NPLOC4: variants seen among roughly 807,000 people sequenced by gnomAD.
NPLOC4 encodes NPL4 homolog, ubiquitin recognition factor, also known as nuclear protein localization protein 4 homolog.
NPLOC4 carries 18 observed loss-of-function variants against 80.6 expected under a neutral mutation model. The ratio of observed to expected loss-of-function variants is 0.22; its 90% confidence interval spans 0.15 to 0.33. The LOEUF (loss-of-function observed/expected upper bound fraction) is 0.33, where lower values mean the gene tolerates loss of function less well. Ranked by LOEUF, NPLOC4 falls within the 10% of genes least tolerant of loss-of-function variation. The pLI is 1.00. For synonymous variants in NPLOC4, 313 were observed against 301.5 expected, an observed-to-expected ratio of 1.04 and a Z score of -0.39; for missense variants, 540 against 786.1, an observed-to-expected ratio of 0.69 and a Z score of 3.74.
At chr17:81,560,822 A>T (rs760190145) in intron 16 of NPLOC4, 1 of 152,140 alleles carries the variant, frequency 6.6e-6, no homozygotes, top group Non-Finnish European at 1.5e-5. Flanking sequence ...TTTGCCTCCC[A>T]CTCGCAAGGT....
chr17:81,558,612 G>C lies in NPLOC4; in HGVS notation c.*647C>G, dbSNP rs1255078891. 1.3e-5 allele frequency: 2 copies of C among 152,142 alleles called. No individual in the cohort carries two copies. The highest frequency in any genetic ancestry group is 2.9e-5 in the Non-Finnish European group (2 of 68,024). 9.4% of individuals were successfully genotyped at this position (152,142 alleles called of 1,614,324 possible). ...AAAAAAATAAATAAAAGTCTTCTGG[G>C]CAGGAATTACTGATAACTGTTATTA... is the stretch of plus-strand genomic sequence containing the variant. On this transcript the variant is annotated 3_prime_UTR_variant, in exon 17 of 17. Transcript: ENST00000331134.
intron 4 of NPLOC4, among the ~76,000 whole-genome samples, chr17:81,612,366 C>T (rs1430112147): frequency 6.6e-6 from 1 of 152,138 alleles, no homozygotes; most frequent in East Asian, 1.9e-4. Flanking sequence ...CACACACACG[C>T]TCTCAAAAGC....
chr17:81,583,474 G>A (rs1442932671), intron 12 of NPLOC4, among the ~76,000 whole-genome samples: 2 of 152,162 alleles, frequency 1.3e-5, no homozygotes, highest in East Asian at 3.9e-4. Context: ...TTCTGCAGGG[G>A]ACAAATGTTC....
rs560192245 is a variant in NPLOC4, at chr17:81,587,072, T to C, written c.1281+1872A>G. Among the ~76,000 whole-genome samples the C allele has an allele frequency of 4.2e-4, 64 of 152,258 alleles. 3 individuals carry two copies. In the South Asian group the frequency reaches 0.013, roughly 31 times the overall value. On this transcript the variant is annotated intron_variant, in intron 12 of 16. Transcript: ENST00000331134. Reference sequence around the variant, plus strand: ...AGACAGACGGTCCACGGAAAACACATTGCAGCTGCAGACCCACATATGCTA... The same window carrying C: ...AGACAGACGGTCCACGGAAAACACACTGCAGCTGCAGACCCACATATGCTA...
intron 16 of NPLOC4, chr17:81,560,808 C>G (rs954039046): frequency 6.6e-5 from 10 of 152,236 alleles, no homozygotes; most frequent in African/African-American, 2.4e-5. Context: ...GAGGGTGGCA[C>G]GGTTTTGCCT....
At position 81,559,406 on chromosome 17, in the gene NPLOC4, G is replaced by T; in HGVS notation, c.1680C>A (p.Gly560=). The change falls in exon 17 of 17, where the codon GGC becomes GGA. Residue 560 remains glycine (G), a synonymous_variant. Coordinates refer to ENST00000331134, the MANE Select transcript of NPLOC4 (RefSeq NM_017921.4). ...ACTCATGGAGACCTGGGAGCTGCCCGCCAACTGTGCCTGCAGGGTGGAAGA... is the reference window on the plus strand; with the variant it reads ...ACTCATGGAGACCTGGGAGCTGCCCTCCAACTGTGCCTGCAGGGTGGAAGA... The part of the protein sequence containing the change: ...ATIEQLCSTV[G]GQLPGLHEYG... 1 of 1,609,274 alleles carries T rather than the reference G, an allele frequency of 6.2e-7. No homozygotes were observed. The highest frequency in any genetic ancestry group is 8.5e-7 in the Non-Finnish European group (1 of 1,178,050).
At chr17:81,568,952 A>G (rs1037801454) in intron 14 of NPLOC4, 64 bp downstream of exon 14, 8 of 1,060,532 alleles carry the variant, frequency 7.5e-6, no homozygotes, top group African/African-American at 1.6e-5. Flanking sequence ...TGGAAAAACA[A>G]TACTGACACT....
In NPLOC4 at chr17:81,567,337, G is replaced by C; in HGVS notation, c.1566+80C>G. On this transcript the variant is annotated intron_variant, in intron 15 of 16. Coordinates refer to ENST00000331134, the MANE Select transcript of NPLOC4 (RefSeq NM_017921.4). This position sits in a 1 kb window ranked among gnomAD's most constrained non-coding sequence, Gnocchi z 4.5. Reference sequence around the variant, plus strand: ...GTTTCCCAATCATGCTCTGGTCTGGGAGGAAAGAAAGCAAGACACAGGCGT... The same window carrying C: ...GTTTCCCAATCATGCTCTGGTCTGGCAGGAAAGAAAGCAAGACACAGGCGT... 1.2e-6 allele frequency: 1 copy of C among 851,252 alleles called. No homozygotes were observed. The allele number at this position is 851,252 out of a possible 1,614,324, so 52.7% of individuals were successfully genotyped here.
In NPLOC4 at chr17:81,604,576, T is replaced by A. The variant is rs1459427659; in HGVS notation, c.806A>T (p.Glu269Val). ...AGGTGGCTCATAAATCGCAGCCACT[T>A]CAGCCCTGATGCCAAGGGGAATGTC... ...HKDIPLGIRA[E>V]VAAIYEPPQI... The change falls in exon 8 of 17, where the codon GAA becomes GTA. Residue 269 changes from glutamate (E) to valine (V), a missense_variant. This residue lies in a region of NPLOC4 where 251 missense variants were observed against 377.5 expected (regional missense o/e 0.66). Transcript: ENST00000331134. 1 of 1,613,606 alleles carries A rather than the reference T, an allele frequency of 6.2e-7. No individual in the cohort carries two copies. The highest frequency in any genetic ancestry group is 1.7e-5 in the Admixed American group (1 of 59,938).
chr17:81,626,927 T>C (rs1408119854), intron 2 of NPLOC4, among the ~76,000 whole-genome samples: 1 of 150,304 alleles, frequency 6.7e-6, no homozygotes, highest in African/African-American at 2.5e-5. Flanking sequence ...TCGTCTCTAC[T>C]AAAAATACAA....
intron 8 of NPLOC4, among the ~76,000 whole-genome samples, chr17:81,603,210 T>C (rs928855312): frequency 3.4e-4 from 51 of 152,122 alleles, no homozygotes; most frequent in African/African-American, 1.2e-3. Flanking sequence ...AGGGGCTACC[T>C]ATAAAGGAAA....
intron 12 of NPLOC4, among the ~76,000 whole-genome samples, chr17:81,582,802 G>A (rs1158492236): frequency 6.6e-6 from 1 of 152,256 alleles, no homozygotes; most frequent in Non-Finnish European, 1.5e-5. Context: ...GTGATGGGCA[G>A]GAGGTCCCAG....
At chr17:81,613,132 A>AAAC (rs978633129) in intron 4 of NPLOC4, 186 bp downstream of exon 4, 1 of 538,304 alleles carries the variant, frequency 1.9e-6, no homozygotes, top group African/African-American at 2.0e-5. Flanking sequence ...AAAGCTAAAA[A>AAAC]AAAAAAACAA....
At chr17:81,589,850 CAAA>C (rs541871324) in intron 11 of NPLOC4, among the ~76,000 whole-genome samples, 10 of 130,282 alleles carry the variant, frequency 7.7e-5, no homozygotes, top group Non-Finnish European at 1.2e-4. Flanking sequence ...ATCAATCAAT[CAAA>C]AAAAAAAAAA....
intron 1 of NPLOC4, among the ~76,000 whole-genome samples, chr17:81,631,454 T>G (rs879506504): frequency 1.2e-5 from 1 of 82,900 alleles, no homozygotes; most frequent in Non-Finnish European, 2.5e-5. Context: ...TTTTTTTTTT[T>G]TTTTTTTTCC....
chr17:81,620,684 G>A (rs1356183538), intron 3 of NPLOC4, among the ~76,000 whole-genome samples: 1 of 152,048 alleles, frequency 6.6e-6, no homozygotes, highest in Non-Finnish European at 1.5e-5. Context: ...TTAAAAAGAG[G>A]AGGGAGAAAA....
rs56118967 is a variant in NPLOC4, at chr17:81,631,457, T to A, written c.16-1652A>T. Among the ~76,000 whole-genome samples, 67 of 66,154 alleles carry A rather than the reference T, an allele frequency of 1.0e-3. 1 individual carries two copies. Among genetic ancestry groups the A allele is most frequent in the African/African-American group, 3.4e-3 (64 of 18,582 alleles). The allele number at this position is 66,154 out of a possible 152,430, so 43.4% of individuals were successfully genotyped here. A position where few individuals can be genotyped will look rare whatever the true frequency, so the allele number is the denominator to read the frequency against. On this transcript the variant is annotated intron_variant, in intron 1 of 16. Transcript: ENST00000331134. The stretch of plus-strand genomic sequence containing the variant: ...ATATATTTTTTTTTTTTTTTTTTTT[T>A]TTTTTCCCCCACGGCAAGCCTAAAA...
intron 3 of NPLOC4, among the ~76,000 whole-genome samples, chr17:81,615,660 GT>G (rs2035463322): frequency 6.6e-6 from 1 of 152,198 alleles, no homozygotes; most frequent in South Asian, 2.1e-4. Flanking sequence ...GCCTACAGCG[GT>G]TTGCTGGGCA....
Position 81,588,986 on chromosome 17 carries a change from C to T in NPLOC4, c.1239G>A (p.Lys413=), listed in dbSNP as rs1397615642. ...GCACGTACTGCTCACTGCTAGACTC[C>T]TTGGCGTAGCCAAGCTCCGGGGCGT... The part of the protein sequence containing the change: ...CKDAPELGYA[K]ESSSEQYVPD... Residue 413 remains lysine, a synonymous_variant, in exon 12 of 17, where the codon AAG becomes AAA. Transcript: ENST00000331134. 6.2e-7 allele frequency: 1 copy of T among 1,614,058 alleles called. No individual in the cohort carries two copies. The highest frequency in any genetic ancestry group is 8.5e-7 in the Non-Finnish European group (1 of 1,179,892).
Sources: allele counts gnomAD v4.1 joint callset (sites outside exome capture counted in the v4.1 genomes callset), GRCh38; gene constraint gnomAD v4.1.1; regional missense constraint gnomAD v4.1.1; non-coding constraint Gnocchi (gnomAD v3.1); transcripts MANE v1.5; gene names NCBI Gene and HGNC (gene_info 2026-07-23, HGNC 2026-07-21).